PCDH9: variants seen among roughly 807,000 people sequenced by gnomAD.
The protein encoded by PCDH9 is protocadherin 9.
PCDH9 carries 24 observed loss-of-function variants against 70.6 expected under a neutral mutation model. That is an observed-to-expected ratio of 0.34 (90% CI 0.25 to 0.48). The LOEUF (loss-of-function observed/expected upper bound fraction) is 0.48. Among genes scored for constraint, PCDH9 ranks in the 20% least tolerant of loss-of-function variants. The probability of loss-of-function intolerance (pLI) is 0.99; values close to 1 mark genes in which losing one functional copy is unlikely to be tolerated. For missense variants in PCDH9, 1,281 were observed against 1,503.6 expected, an observed-to-expected ratio of 0.85 and a Z score of 2.45; for synonymous variants, 562 against 558.5, an observed-to-expected ratio of 1.01 and a Z score of -0.09.
intron 2 of PCDH9, among the ~76,000 whole-genome samples, chr13:67,042,148 C>T (rs891105005): frequency 3.3e-5 from 5 of 151,970 alleles, no homozygotes; most frequent in Admixed American, 1.3e-4. Flanking sequence ...GGGCTTGTAG[C>T]GTGAAAGAGA....
chr13:66,504,453 G>C (rs1051630636), intron 4 of PCDH9, among the ~76,000 whole-genome samples: 3 of 152,096 alleles, frequency 2.0e-5, no homozygotes, highest in African/African-American at 7.2e-5. Context: ...AGTTCAGGTG[G>C]ATTCCAGCTG....
chr13:66,720,329 T>G (rs2078925759), intron 3 of PCDH9, among the ~76,000 whole-genome samples: 1 of 35,558 alleles, frequency 2.8e-5, no homozygotes, highest in African/African-American at 9.8e-5. Flanking sequence ...CTTTTTTGTT[T>G]TTTTTTTTTT....
At chr13:66,340,004 T>C (rs2138142345) in intron 4 of PCDH9, among the ~76,000 whole-genome samples, 1 of 152,256 alleles carries the variant, frequency 6.6e-6, no homozygotes, top group South Asian at 2.1e-4. Flanking sequence ...TCCTCCTTTG[T>C]CTTCCCTGTG....
At chr13:67,218,818 C>T (rs2089663593) in intron 2 of PCDH9, 1 of 151,916 alleles carries the variant, frequency 6.6e-6, no homozygotes, top group Admixed American at 6.6e-5. Flanking sequence ...TCAAATATTC[C>T]TCAAAGACCT....
chr13:66,587,725 C>T lies in PCDH9; in HGVS notation c.3340+43485G>A, dbSNP rs193266604. On this transcript the variant is annotated intron_variant, in intron 4 of 4. Coordinates refer to ENST00000377865, the MANE Select transcript of PCDH9 (RefSeq NM_203487.3). Reference sequence around the variant, plus strand: ...CAGAGGTAGACTTCCTGAATCACTTCCTAAATGATCTTTTTTCATGGGAAT... The same window carrying T: ...CAGAGGTAGACTTCCTGAATCACTTTCTAAATGATCTTTTTTCATGGGAAT... Among the ~76,000 whole-genome samples the T allele has an allele frequency of 3.6e-3, 543 of 151,396 alleles. 1 individual carries two copies. The highest frequency in any genetic ancestry group is 4.7e-3 in the Non-Finnish European group (320 of 67,922).
chr13:66,451,452 A>G (rs1431255147), intron 4 of PCDH9, among the ~76,000 whole-genome samples: 1 of 152,180 alleles, frequency 6.6e-6, no homozygotes, highest in African/African-American at 2.4e-5. Flanking sequence ...ACATAAGAAC[A>G]ATTTTGATTA....
rs2089902122 is a variant in PCDH9, at chr13:67,227,316, C to G, written c.1125G>C (p.Glu375Asp). The change falls in exon 2 of 5, where the codon GAG (glutamate) becomes GAC (aspartate). Residue 375 changes from glutamate (E) to aspartate (D), a missense_variant. Glu to Asp is a conservative substitution (Grantham distance 45). Coordinates refer to ENST00000377865, the MANE Select transcript of PCDH9 (RefSeq NM_203487.3). The surrounding 1 kb of genome is among the most constrained non-coding windows in gnomAD (Gnocchi z 4.6). ...SPINGTVYLSEKDPVNTKIAL... is the reference protein window; with the variant it reads ...SPINGTVYLSDKDPVNTKIAL... ...CAATCTTTGTATTGACAGGATCTTT[C>G]TCAGATAAATACACGGTGCCATTGA... 6.2e-7 allele frequency: 1 copy of G among 1,613,696 alleles called. No individual in the cohort carries two copies. Among genetic ancestry groups the G allele is most frequent in the Non-Finnish European group, 8.5e-7 (1 of 1,179,738 alleles).
At position 67,227,870 on chromosome 13, in the gene PCDH9, C is replaced by G. The variant is rs2138148447; in HGVS notation, c.571G>C (p.Asp191His). The G allele has an allele frequency of 6.2e-7, 1 of 1,614,040 alleles. No homozygotes were observed. The highest frequency in any genetic ancestry group is 8.5e-7 in the Non-Finnish European group (1 of 1,179,920). Residue 191 changes from aspartate (D) to histidine (H), a missense_variant, in exon 2 of 5, where the codon GAT becomes CAT. Physicochemically the swap from Asp to His is moderately conservative, Grantham distance 81. This residue lies in a region of PCDH9 where 798 missense variants were observed against 1,003.1 expected (regional missense o/e 0.80). Transcript: ENST00000377865. This position sits in a 1 kb window ranked among gnomAD's most constrained non-coding sequence, Gnocchi z 4.6. ...TCTCCCTCTGGAGTTTCCACGATAT[C>G]CAGTCCAAAAACACTCTGCCCATTT... is the stretch of plus-strand genomic sequence containing the variant. ...LLNGQSVFGLDIVETPEGEKW... is the reference protein window; with the variant it reads ...LLNGQSVFGLHIVETPEGEKW...
At chr13:66,378,717 T>G (rs1427411527) in intron 4 of PCDH9, among the ~76,000 whole-genome samples, 1 of 152,246 alleles carries the variant, frequency 6.6e-6, no homozygotes, top group Non-Finnish European at 1.5e-5. Context: ...AGACTAATTG[T>G]AGCTCTTAGA....
intron 4 of PCDH9, among the ~76,000 whole-genome samples, chr13:66,390,984 G>A (rs567886265): frequency 6.6e-6 from 1 of 152,054 alleles, no homozygotes; most frequent in Non-Finnish European, 1.5e-5. Flanking sequence ...GATAAAATAA[G>A]TCCTGTAGAG....
At chr13:66,328,084 G>A (rs1031841728) in intron 4 of PCDH9, among the ~76,000 whole-genome samples, 1 of 152,060 alleles carries the variant, frequency 6.6e-6, no homozygotes, top group Non-Finnish European at 1.5e-5. Flanking sequence ...TGGATGCAGG[G>A]TAATCTATAA....
chr13:67,160,742 C>A (rs2087935461), intron 2 of PCDH9, among the ~76,000 whole-genome samples: 1 of 152,176 alleles, frequency 6.6e-6, no homozygotes, highest in Non-Finnish European at 1.5e-5. Context: ...TCTCATCCCT[C>A]TTAAGAAAAG....
At chr13:66,982,992 T>C (rs1440161079) in intron 2 of PCDH9, among the ~76,000 whole-genome samples, 2 of 152,182 alleles carry the variant, frequency 1.3e-5, no homozygotes, top group South Asian at 4.1e-4. Flanking sequence ...AAAGCTTCTT[T>C]ATGTTTGTCA....
chr13:66,303,090 A>T lies in PCDH9; in HGVS notation c.*1565T>A, dbSNP rs1955395574. On this transcript the variant is annotated 3_prime_UTR_variant, in exon 5 of 5. Coordinates refer to ENST00000377865, the MANE Select transcript of PCDH9 (RefSeq NM_203487.3). Reference sequence around the variant, plus strand: ...AGAACAAATTAACTATCAGATTAGCAAACCTTTTTTTTAAATTTTTTGTTT... The same window carrying T: ...AGAACAAATTAACTATCAGATTAGCTAACCTTTTTTTTAAATTTTTTGTTT... 6.6e-6 allele frequency: 1 copy of T among 152,374 alleles called. No individual in the cohort carries two copies. The highest frequency in any genetic ancestry group is 1.5e-5 in the Non-Finnish European group (1 of 67,940). The allele number at this position is 152,374 out of a possible 1,614,324, so 9.4% of individuals were successfully genotyped here. A position where few individuals can be genotyped will look rare whatever the true frequency, so the allele number is the denominator to read the frequency against.
intron 4 of PCDH9, among the ~76,000 whole-genome samples, chr13:66,630,130 G>A (rs2077550746): frequency 6.6e-6 from 1 of 152,072 alleles, no homozygotes; most frequent in African/African-American, 2.4e-5. Flanking sequence ...TTTAAGATGA[G>A]TTAAACAAAC....
chr13:66,443,074 C>A (rs1415365165), intron 4 of PCDH9, among the ~76,000 whole-genome samples: 4 of 152,176 alleles, frequency 2.6e-5, no homozygotes, highest in Non-Finnish European at 5.9e-5. Flanking sequence ...AAGAGCAAAG[C>A]AAGGGGCTAA....
intron 3 of PCDH9, among the ~76,000 whole-genome samples, chr13:66,654,321 G>A (rs9599125): frequency 1.3e-5 from 2 of 152,158 alleles, no homozygotes; most frequent in South Asian, 4.1e-4. Flanking sequence ...GGCTGGTAAG[G>A]GTAGTGGTGG....
At position 67,173,644 on chromosome 13, in the gene PCDH9, TAC is replaced by T. The variant is rs1486511315; in HGVS notation, c.3036+51759_3036+51760del. 4.6e-5 allele frequency among the ~76,000 whole-genome samples: 7 copies of T among 152,266 alleles called. No homozygotes were observed. The East Asian group carries it at 1.4e-3, about 29-fold the overall frequency. ...CAGTTCGACAGAGAAAAATTTTAAC[TAC>T]ACTTGAAAGAAAATGACCCTGGAAA... On this transcript the variant is annotated intron_variant, in intron 2 of 4. Coordinates refer to ENST00000377865, the MANE Select transcript of PCDH9 (RefSeq NM_203487.3).
At chr13:66,887,107 A>G in intron 3 of PCDH9, among the ~76,000 whole-genome samples, 1 of 151,146 alleles carries the variant, frequency 6.6e-6, no homozygotes, top group African/African-American at 2.4e-5. Context: ...TCATTAAATT[A>G]TTCCAGAAAA....
Sources: allele counts gnomAD v4.1 joint callset (sites outside exome capture counted in the v4.1 genomes callset), GRCh38; gene constraint gnomAD v4.1.1; regional missense constraint gnomAD v4.1.1; non-coding constraint Gnocchi (gnomAD v3.1); transcripts MANE v1.5; gene names NCBI Gene and HGNC (gene_info 2026-07-23, HGNC 2026-07-21).